Variants in GPR89B observed in about 807,000 individuals in gnomAD.
GPR89B encodes the protein G protein-coupled receptor 89B.
GPR89B carries 25 observed loss-of-function variants against 52.4 expected under a neutral mutation model. The ratio of observed to expected loss-of-function variants is 0.48; its 90% CI spans 0.35 to 0.67. The LOEUF is 0.67. Ranked by LOEUF, GPR89B falls within the 30% of genes least tolerant of loss-of-function variation. The pLI, the probability that GPR89B is intolerant of heterozygous loss-of-function variation, is 0.01. For missense variants in GPR89B, 146 were observed against 450.2 expected (o/e 0.32, Z 6.11); for synonymous variants, 52 against 151.2 (o/e 0.34, Z 4.81).
chr1:147,996,110 G>A (rs1389582242), downstream of GPR89B, among the ~76,000 whole-genome samples: 156 of 151,572 alleles, frequency 1.0e-3, no homozygotes, highest in African/African-American at 3.6e-3. Context: ...GTGGTTCAGC[G>A]TCATATGTCT....
At chr1:147,954,723 A>G (rs1655990095) in intron 7 of GPR89B, among the ~76,000 whole-genome samples, 1 of 152,304 alleles carries the variant, frequency 6.6e-6, no homozygotes, top group Non-Finnish European at 1.5e-5. Flanking sequence ...GTGAAAGAAA[A>G]TTCAATCTCA....
At chr1:148,013,698 G>T in the GPR89B span, among the ~76,000 whole-genome samples, 1 of 152,072 alleles carries the variant, frequency 6.6e-6, no homozygotes, top group East Asian at 1.9e-4. Flanking sequence ...CCCCTGGACC[G>T]GCTGTGCCAA....
rs6593828 is a variant in GPR89B, at chr1:147,928,711, A to G, written c.42+133A>G. On this transcript the variant is annotated intron_variant, in intron 1 of 13. Coordinates refer to ENST00000314163, the MANE Select transcript of GPR89B (RefSeq NM_016334.5). Reference sequence around the variant, plus strand: ...CGGCCTGCGCCAGTCACTCTGGCACACAGAGAGGGTGTGCGATTTGCTGCG... The same window carrying G: ...CGGCCTGCGCCAGTCACTCTGGCACGCAGAGAGGGTGTGCGATTTGCTGCG... The G allele has an allele frequency of 4.5e-6, 6 of 1,331,142 alleles. No individual in the cohort carries two copies. The South Asian group carries it at 7.3e-5, about 16-fold the overall frequency. The allele number at this position is 1,331,142 out of a possible 1,614,324, so 82.5% of individuals were successfully genotyped here.
At position 147,992,566 on chromosome 1, in the gene GPR89B, T is replaced by A; in HGVS notation, c.1160T>A (p.Met387Lys). The change falls in exon 13 of 14, where the codon ATG (methionine) becomes AAG (lysine). Residue 387 changes from methionine (M) to lysine (K), a missense_variant and splice_region_variant. Coordinates refer to ENST00000314163, the MANE Select transcript of GPR89B (RefSeq NM_016334.5). ...ATTGTCCTGCTATTAGCACAGATAA[T>A]GGTAAGTTTAATTAGTTACCTTTAT... ...NVIVLLLAQI[M>K]GMYFVSSVLL... The A allele has an allele frequency of 1.2e-6, 2 of 1,611,722 alleles. No individual in the cohort carries two copies. The highest frequency in any genetic ancestry group is 1.7e-6 in the Non-Finnish European group (2 of 1,179,628).
chr1:147,930,057 C>T (rs1226484866), intron 1 of GPR89B, among the ~76,000 whole-genome samples: 2 of 152,224 alleles, frequency 1.3e-5, no homozygotes, highest in Non-Finnish European at 2.9e-5. Flanking sequence ...ATTGGCTTTG[C>T]ATTGCAGCCT....
At chr1:147,930,144 A>G (rs2149029617) in intron 1 of GPR89B, among the ~76,000 whole-genome samples, 1 of 152,346 alleles carries the variant, frequency 6.6e-6, no homozygotes, top group Middle Eastern at 3.4e-3. Context: ...CCTTATAATC[A>G]TAGACTTTCA....
intron 7 of GPR89B, among the ~76,000 whole-genome samples, chr1:147,961,425 A>G (rs1351705717): frequency 6.6e-6 from 1 of 152,286 alleles, no homozygotes; most frequent in African/African-American, 2.4e-5. Flanking sequence ...GAAAGCAACA[A>G]GGGGAAAATG....
chr1:147,932,861 A>G (rs1571215460), intron 1 of GPR89B, among the ~76,000 whole-genome samples: 1 of 152,146 alleles, frequency 6.6e-6, no homozygotes, highest in Non-Finnish European at 1.5e-5. Context: ...TGAAAAAATA[A>G]TATTTAAAAA....
At chr1:148,004,322 A>ATTT in the GPR89B span, among the ~76,000 whole-genome samples, 1 of 147,352 alleles carries the variant, frequency 6.8e-6, no homozygotes, top group African/African-American at 2.5e-5. Flanking sequence ...GCACCTGGCT[A>ATTT]ATTTTTTTTT....
At chr1:147,935,513 A>G (rs1465358853) in intron 1 of GPR89B, among the ~76,000 whole-genome samples, 1 of 152,208 alleles carries the variant, frequency 6.6e-6, no homozygotes, top group East Asian at 1.9e-4. Context: ...TCATGTGGCT[A>G]CGGTCTCTGC....
At chr1:148,006,871 C>T in the GPR89B span, among the ~76,000 whole-genome samples, 5 of 151,634 alleles carry the variant, frequency 3.3e-5, no homozygotes, top group Admixed American at 1.3e-4. Context: ...CGCCTGCCAC[C>T]GCGCCTGGCT....
At chr1:147,994,692 A>T (rs1659272568), downstream of GPR89B, among the ~76,000 whole-genome samples, 1 of 152,132 alleles carries the variant, frequency 6.6e-6, no homozygotes, top group African/African-American at 2.4e-5. Context: ...TAAGACTAGG[A>T]TATTGACTTC....
At chr1:148,014,187 C>CA in the GPR89B span, among the ~76,000 whole-genome samples, 1 of 151,330 alleles carries the variant, frequency 6.6e-6, no homozygotes, top group Non-Finnish European at 1.5e-5. Flanking sequence ...CAAGAGCCGC[C>CA]GTTGCAGGCG....
intron 1 of GPR89B, among the ~76,000 whole-genome samples, chr1:147,929,797 A>G (rs1339976449): frequency 1.3e-5 from 2 of 150,930 alleles, no homozygotes; most frequent in African/African-American, 2.4e-5. Flanking sequence ...ATAGTTTTTC[A>G]TTTTTAAAAT....
downstream of GPR89B, among the ~76,000 whole-genome samples, chr1:147,994,703 C>G (rs1365483298): frequency 6.6e-6 from 1 of 151,988 alleles, no homozygotes; most frequent in African/African-American, 2.4e-5. Flanking sequence ...TATTGACTTC[C>G]TAAAGAGAAA....
intron 1 of GPR89B, 107 bp downstream of exon 1, chr1:147,928,685 G>C: frequency 6.8e-7 from 1 of 1,475,290 alleles, no homozygotes; most frequent in Non-Finnish European, 9.4e-7. Context: ...CCTCTCTTAC[G>C]CGGCCTGCGC....
the GPR89B span, among the ~76,000 whole-genome samples, chr1:148,000,776 A>G: frequency 8.2e-6 from 1 of 122,162 alleles, no homozygotes; most frequent in South Asian, 2.5e-4. Flanking sequence ...TGTTAAAAGT[A>G]AAAAAAAAAA....
chr1:147,955,082 T>A (rs1429417433), intron 7 of GPR89B, among the ~76,000 whole-genome samples: 3 of 152,046 alleles, frequency 2.0e-5, no homozygotes, highest in African/African-American at 7.3e-5. Flanking sequence ...ATCCAGCCTC[T>A]GGTAACCATC....
the GPR89B span, among the ~76,000 whole-genome samples, chr1:148,018,942 A>G: frequency 6.6e-6 from 1 of 151,544 alleles, no homozygotes; most frequent in Non-Finnish European, 1.5e-5. Flanking sequence ...CTGGGATTAC[A>G]GGCATGAGCC....
Sources: gnomAD v4.1 joint callset for allele counts (sites outside exome capture counted in the v4.1 genomes callset) on GRCh38, gnomAD v4.1.1 for gene constraint, MANE v1.5 for transcripts, NCBI Gene and HGNC (gene_info 2026-07-23, HGNC 2026-07-21) for gene names.